DRC1: variants seen among roughly 807,000 people sequenced by gnomAD.
DRC1 encodes the protein dynein regulatory complex subunit 1, also known as dynein regulatory complex protein 1.
A neutral mutation model predicts 98.7 loss-of-function variants in DRC1; 74 were observed. The observed-to-expected ratio is 0.75, with a 90% CI of 0.62 to 0.91. The LOEUF is 0.91. Ranked by LOEUF, DRC1 falls within the 40% of genes least tolerant of loss-of-function variation. The pLI is 0.00. For missense variants in DRC1, 875 were observed against 886.0 expected (o/e 0.99, Z 0.16); for synonymous variants, 336 against 334.1 (o/e 1.01, Z -0.06).
chr2:26,439,901 G>T (rs1410941920), intron 7 of DRC1, among the ~76,000 whole-genome samples: 2 of 38,776 alleles, frequency 5.2e-5, no homozygotes, highest in Non-Finnish European at 1.5e-4. Context: ...AGGCCCACAA[G>T]CTAGGGCCAA....
chr2:26,449,016 T>C (rs1437095777), intron 11 of DRC1, among the ~76,000 whole-genome samples: 1 of 152,198 alleles, frequency 6.6e-6, no homozygotes, highest in Non-Finnish European at 1.5e-5. Flanking sequence ...AGCTGGAAAA[T>C]GGGTCTAACC....
chr2:26,419,213 C>A (rs1412160819), intron 2 of DRC1, among the ~76,000 whole-genome samples: 2 of 152,098 alleles, frequency 1.3e-5, no homozygotes, highest in Non-Finnish European at 1.5e-5. Flanking sequence ...ACAATTTTTA[C>A]ATGATACTAT....
Position 26,435,908 on chromosome 2 carries a change from G to T in DRC1, c.888+3902G>T, listed in dbSNP as rs1255562172. On this transcript the variant is annotated intron_variant, in intron 7 of 16. Transcript: ENST00000288710. ...ATGTCTTTGCTATTGTGAATAGGCT[G>T]CAATGAACATATGCATGCATGTGTC... Among the ~76,000 whole-genome samples the T allele has an allele frequency of 1.5e-4, 23 of 152,218 alleles. 1 individual carries two copies. The South Asian group carries it at 3.5e-3, about 23-fold the overall frequency.
intron 4 of DRC1, among the ~76,000 whole-genome samples, chr2:26,425,852 C>T (rs902034321): frequency 6.6e-6 from 1 of 151,884 alleles, no homozygotes; most frequent in Non-Finnish European, 1.5e-5. Context: ...TTTCCTATTC[C>T]GTATATTGCC....
chr2:26,455,013 G>A (rs915355961), intron 15 of DRC1, 118 bp from the exon 16 acceptor site: 32 of 1,385,566 alleles, frequency 2.3e-5, no homozygotes, highest in Non-Finnish European at 3.2e-5. Flanking sequence ...TGGGTGAAGA[G>A]TGTAGCTTCT....
At chr2:26,424,212 T>G in intron 3 of DRC1, 59 bp from the exon 4 acceptor site, 1 of 1,597,828 alleles carries the variant, frequency 6.3e-7, no homozygotes, top group Non-Finnish European at 8.6e-7. Flanking sequence ...ACGTACCTGC[T>G]CTACTGGAAG....
intron 2 of DRC1, among the ~76,000 whole-genome samples, chr2:26,418,680 ATTTAT>A: frequency 1.1e-5 from 1 of 89,058 alleles, no homozygotes; most frequent in Non-Finnish European, 2.1e-5. Flanking sequence ...ATTAAATATA[ATTTAT>A]ATTATATATA....
chr2:26,437,508 G>A (rs1031571899), intron 7 of DRC1, among the ~76,000 whole-genome samples: 2 of 152,172 alleles, frequency 1.3e-5, no homozygotes, highest in Admixed American at 6.5e-5. Context: ...GACAGGATGG[G>A]GTGAGGTGGG....
chr2:26,421,916 A>G (rs1663158261), intron 3 of DRC1, among the ~76,000 whole-genome samples: 1 of 152,134 alleles, frequency 6.6e-6, no homozygotes, highest in Admixed American at 6.5e-5. Context: ...ATACGTGCCA[A>G]GCTGTGTGTA....
chr2:26,455,047 A>G (rs1187346728), intron 15 of DRC1, 84 bp from the exon 16 acceptor site: 3 of 1,519,306 alleles, frequency 2.0e-6, no homozygotes, highest in Non-Finnish European at 2.7e-6. Context: ...ACCTGTAGCC[A>G]AAGTACAACC....
rs927408361 is a variant in DRC1, at chr2:26,450,652, C to A, written c.1660C>A (p.Arg554=). The A allele has an allele frequency of 1.2e-6, 2 of 1,607,986 alleles. No homozygotes were observed. Among genetic ancestry groups the A allele is most frequent in the Non-Finnish European group, 1.7e-6 (2 of 1,177,484 alleles). The change falls in exon 13 of 17, where the codon CGA becomes AGA. Residue 554 remains arginine, a synonymous_variant. Transcript: ENST00000288710. ...YKLVNFFLKY[R]AHRLSSSLQI... is the part of the protein sequence containing the mutation. Reference sequence around the variant, plus strand: ...ACTGGTGAACTTCTTCCTTAAATATCGAGCTCACCGTTTATCTTCCAGCCT... The same window carrying A: ...ACTGGTGAACTTCTTCCTTAAATATAGAGCTCACCGTTTATCTTCCAGCCT...
intron 3 of DRC1, among the ~76,000 whole-genome samples, chr2:26,423,788 A>T (rs1295090542): frequency 6.6e-6 from 1 of 152,238 alleles, no homozygotes; most frequent in Non-Finnish European, 1.5e-5. Context: ...ACAGCCAGCC[A>T]CTTGAAGGTA....
intron 1 of DRC1, among the ~76,000 whole-genome samples, chr2:26,406,860 C>T (rs545103678): frequency 1.0e-4 from 15 of 146,864 alleles, no homozygotes; most frequent in Admixed American, 2.7e-4. Context: ...CTCTGTCACC[C>T]GGGTTGGAAT....
At chr2:26,409,443 T>G (rs1183585790) in intron 1 of DRC1, among the ~76,000 whole-genome samples, 3 of 152,186 alleles carry the variant, frequency 2.0e-5, no homozygotes, top group Admixed American at 6.5e-5. Flanking sequence ...ATCCTTTATG[T>G]AGTTTTTTTT....
intron 1 of DRC1, among the ~76,000 whole-genome samples, chr2:26,402,897 C>CT (rs1357430072): frequency 6.6e-6 from 1 of 152,178 alleles, no homozygotes; most frequent in Non-Finnish European, 1.5e-5. Flanking sequence ...CCGGCAAACC[C>CT]TTTCAGTAAA....
intron 16 of DRC1, 106 bp from the exon 17 acceptor site, chr2:26,456,355 C>A (rs772584329): frequency 2.9e-6 from 4 of 1,358,370 alleles, no homozygotes; most frequent in Non-Finnish European, 1.0e-6. Flanking sequence ...AGAGGAGATG[C>A]GTGCAGGGCT....
intron 7 of DRC1, among the ~76,000 whole-genome samples, chr2:26,436,414 CA>C: frequency 6.6e-6 from 1 of 152,172 alleles, no homozygotes; most frequent in Non-Finnish European, 1.5e-5. Flanking sequence ...CAGGCTCAAG[CA>C]AACCTCCCAC....
At chr2:26,404,136 A>T (rs540140682) in intron 1 of DRC1, among the ~76,000 whole-genome samples, 97 of 152,182 alleles carry the variant, frequency 6.4e-4, no homozygotes, top group African/African-American at 2.3e-3. Context: ...ATTTGCCTGG[A>T]AGCCATACAA....
At chr2:26,439,806 T>C (rs986462330) in intron 7 of DRC1, among the ~76,000 whole-genome samples, 2 of 151,144 alleles carry the variant, frequency 1.3e-5, no homozygotes, top group East Asian at 3.9e-4. Context: ...GCCTTTAACT[T>C]GACTCTCATG....
Sources: gnomAD v4.1 joint callset for allele counts (sites outside exome capture counted in the v4.1 genomes callset) on GRCh38, gnomAD v4.1.1 for gene constraint, MANE v1.5 for transcripts, NCBI Gene and HGNC (gene_info 2026-07-23, HGNC 2026-07-21) for gene names.